FBXW8: variants seen among roughly 807,000 people sequenced by gnomAD.
FBXW8 encodes the protein F-box and WD repeat domain containing 8, also known as F-box/WD repeat-containing protein 8.
A neutral mutation model predicts 65.3 loss-of-function variants in FBXW8; 57 were observed. The observed-to-expected ratio is 0.87, with a 90% CI of 0.71 to 1.09. The LOEUF is 1.09. FBXW8 is among the 50% of genes least tolerant of loss of function. The pLI is 0.00. For synonymous variants in FBXW8, 308 were observed against 330.2 expected, an observed-to-expected ratio of 0.93 and a Z score of 0.73; for missense variants, 777 against 814.8, an observed-to-expected ratio of 0.95 and a Z score of 0.57.
At chr12:117,024,980 G>T (rs10850743) in intron 9 of FBXW8, among the ~76,000 whole-genome samples, 2 of 152,070 alleles carry the variant, frequency 1.3e-5, no homozygotes, top group Admixed American at 6.5e-5. Flanking sequence ...GTTTACGCCA[G>T]TGGCACCTAA....
At chr12:116,946,372 A>G (rs912992143) in intron 3 of FBXW8, among the ~76,000 whole-genome samples, 5 of 152,220 alleles carry the variant, frequency 3.3e-5, no homozygotes, top group African/African-American at 9.6e-5. Context: ...AGCAAAGTCA[A>G]TAAGAGCAGT....
intron 8 of FBXW8, among the ~76,000 whole-genome samples, chr12:117,016,592 ATTC>A (rs1953952357): frequency 6.7e-6 from 1 of 148,696 alleles, no homozygotes; most frequent in South Asian, 2.1e-4. Flanking sequence ...TCTACATTGT[ATTC>A]TTTGAAGCAC....
chr12:116,935,467 C>T (rs1320298172), intron 2 of FBXW8, among the ~76,000 whole-genome samples: 1 of 152,182 alleles, frequency 6.6e-6, no homozygotes, highest in Admixed American at 6.5e-5. Context: ...GCAGGGTTCC[C>T]TTAGTTCTTC....
chr12:117,014,984 C>T (rs975677076), intron 8 of FBXW8, among the ~76,000 whole-genome samples: 10 of 152,166 alleles, frequency 6.6e-5, no homozygotes, highest in East Asian at 3.9e-4. Flanking sequence ...CCGGCATCGC[C>T]GCCACCATGC....
intron 2 of FBXW8, among the ~76,000 whole-genome samples, chr12:116,935,282 T>G (rs1882075376): frequency 6.6e-6 from 1 of 152,186 alleles, no homozygotes; most frequent in African/African-American, 2.4e-5. Flanking sequence ...GATTATGGTA[T>G]TTCAAGTTTC....
rs987953098 is a variant in FBXW8, at chr12:116,961,923, G to T, written c.678-2774G>T. 6.6e-6 allele frequency among the ~76,000 whole-genome samples: 1 copy of T among 152,128 alleles called. No homozygotes were observed. The highest frequency in any genetic ancestry group is 6.5e-5 in the Admixed American group (1 of 15,276). ...CCGAATCAGGGAGCCTGTAGTAGTCGGGTGTGAATGTGAGGTGTTGGGGGA... is the reference window on the plus strand; with the variant it reads ...CCGAATCAGGGAGCCTGTAGTAGTCTGGTGTGAATGTGAGGTGTTGGGGGA... On this transcript the variant is annotated intron_variant, in intron 4 of 10. Coordinates refer to ENST00000652555, the MANE Select transcript of FBXW8 (RefSeq NM_153348.3). The surrounding 1 kb of genome is among the most constrained non-coding windows in gnomAD (Gnocchi z 4.4).
chr12:116,918,319 T>C (rs1880608149), intron 1 of FBXW8, among the ~76,000 whole-genome samples: 1 of 152,202 alleles, frequency 6.6e-6, no homozygotes, highest in South Asian at 2.1e-4. Context: ...ACCAACTTGC[T>C]TGGGCTCCAT....
chr12:116,962,600 A>T (rs1315474612), intron 4 of FBXW8, among the ~76,000 whole-genome samples: 1 of 152,198 alleles, frequency 6.6e-6, no homozygotes, highest in African/African-American at 2.4e-5. Flanking sequence ...TAGTTTATGT[A>T]CTTCTTTTTC....
intron 7 of FBXW8, among the ~76,000 whole-genome samples, chr12:116,994,600 C>T (rs1157923162): frequency 1.3e-5 from 2 of 152,326 alleles, no homozygotes; most frequent in Non-Finnish European, 2.9e-5. Context: ...GTCTCAACCC[C>T]ACTTTAAACA....
chr12:116,960,086 G>A (rs577930794), intron 4 of FBXW8, among the ~76,000 whole-genome samples: 46 of 152,334 alleles, frequency 3.0e-4, no homozygotes, highest in African/African-American at 5.3e-4. Flanking sequence ...ATTAGGCAGC[G>A]ATAAAGACAT....
At chr12:116,946,496 C>G (rs1014443392) in intron 3 of FBXW8, among the ~76,000 whole-genome samples, 2 of 152,076 alleles carry the variant, frequency 1.3e-5, no homozygotes, top group Non-Finnish European at 2.9e-5. Context: ...TATCTCTGGC[C>G]TCTCCCCATT....
intron 4 of FBXW8, chr12:116,951,089 C>G: frequency 6.6e-6 from 1 of 152,230 alleles, no homozygotes; most frequent in Non-Finnish European, 1.5e-5. Context: ...GATGCCAGTC[C>G]TTCTCTCTCT....
rs1383207138 is a variant in FBXW8 at position 117,028,826 on chromosome 12, T to C, written c.*654T>C. On this transcript the variant is annotated 3_prime_UTR_variant, in exon 11 of 11. Transcript: ENST00000652555. This position sits in a 1 kb window ranked among gnomAD's most constrained non-coding sequence, Gnocchi z 4.1. ...TGATACAAAGCAAATATTTTCTAAA[T>C]ATTCATTGACTAAACAGCCATCAAG... The C allele has an allele frequency of 6.6e-6, 1 of 152,480 alleles. No individual in the cohort carries two copies. Among genetic ancestry groups the C allele is most frequent in the African/African-American group, 2.4e-5 (1 of 41,464 alleles). 9.4% of individuals were successfully genotyped at this position (152,480 alleles called of 1,614,324 possible). A position where few individuals can be genotyped will look rare whatever the true frequency, so the allele number is the denominator to read the frequency against.
At chr12:117,004,509 A>C (rs1953629187) in intron 7 of FBXW8, among the ~76,000 whole-genome samples, 1 of 152,162 alleles carries the variant, frequency 6.6e-6, no homozygotes, top group Non-Finnish European at 1.5e-5. Context: ...GAGGTATGTT[A>C]CCAACCCGAA....
intron 2 of FBXW8, among the ~76,000 whole-genome samples, chr12:116,934,181 C>CT (rs1033823538): frequency 1.4e-4 from 22 of 152,086 alleles, no homozygotes; most frequent in Middle Eastern, 6.8e-3. Context: ...ATCCCCTCCT[C>CT]TTTTTTTTGC....
chr12:116,967,990 A>C lies in FBXW8; in HGVS notation c.835+3136A>C, dbSNP rs538148259. On this transcript the variant is annotated intron_variant, in intron 5 of 10. Transcript: ENST00000652555. ...ACCATGTTGGTCAGGCTGGTCTCGA[A>C]CTCCTGACCTCAAGTGATCTGCCTG... 1.8e-4 allele frequency among the ~76,000 whole-genome samples: 28 copies of C among 151,962 alleles called. No homozygotes were observed. The South Asian group carries it at 4.8e-3, about 26-fold the overall frequency.
chr12:116,962,400 CTT>C (rs898820454), intron 4 of FBXW8, among the ~76,000 whole-genome samples: 2 of 152,180 alleles, frequency 1.3e-5, no homozygotes, highest in African/African-American at 4.8e-5. Context: ...GCTCCGAACT[CTT>C]TGTGTTCAGG....
chr12:116,935,139 A>G (rs1882065436), intron 2 of FBXW8, among the ~76,000 whole-genome samples: 2 of 152,260 alleles, frequency 1.3e-5, no homozygotes. Context: ...AAAAACGTGC[A>G]TAAACAAAGT....
At chr12:116,972,565 C>T (rs926674587) in intron 5 of FBXW8, among the ~76,000 whole-genome samples, 2 of 152,004 alleles carry the variant, frequency 1.3e-5, no homozygotes, top group Non-Finnish European at 2.9e-5. Context: ...GGGCCAGGGA[C>T]AGTGTGAGAG....
Sources: allele counts gnomAD v4.1 joint callset (sites outside exome capture counted in the v4.1 genomes callset), GRCh38; gene constraint gnomAD v4.1.1; non-coding constraint Gnocchi (gnomAD v3.1); transcripts MANE v1.5; gene names NCBI Gene and HGNC (gene_info 2026-07-23, HGNC 2026-07-21).